SLC13A4: variants seen among roughly 807,000 people sequenced by gnomAD.
SLC13A4 encodes solute carrier family 13 member 4.
Under a neutral mutation model 72.7 loss-of-function variants are expected in SLC13A4, and 28 were observed. That is an observed-to-expected ratio of 0.39 (90% CI 0.29 to 0.53). The LOEUF is 0.53. SLC13A4 is among the 20% of genes least tolerant of loss of function. The pLI is 0.78. For missense variants in SLC13A4, 653 were observed against 788.0 expected, an observed-to-expected ratio of 0.83 and a Z score of 2.05; for synonymous variants, 312 against 325.5, an observed-to-expected ratio of 0.96 and a Z score of 0.45.
intron 15 of SLC13A4, chr7:135,683,239 C>T (rs1052202065): frequency 1.6e-5 from 6 of 371,490 alleles, no homozygotes; most frequent in Non-Finnish European, 1.7e-5. Context: ...GCAGAGGTTG[C>T]AGTGAGCCGA....
At chr7:135,700,688 AG>A (rs1419070125) in intron 7 of SLC13A4, among the ~76,000 whole-genome samples, 1 of 152,182 alleles carries the variant, frequency 6.6e-6, no homozygotes, top group Admixed American at 6.5e-5. Context: ...TCTGTTGCCC[AG>A]GCTAGAGTGC....
chr7:135,720,551 CATTA>C (rs1295468106), intron 2 of SLC13A4, among the ~76,000 whole-genome samples: 1 of 77,532 alleles, frequency 1.3e-5, no homozygotes, highest in African/African-American at 4.9e-5. Context: ...CAGGCTTTTT[CATTA>C]AAAAAAAAAA....
intron 6 of SLC13A4, chr7:135,702,530 C>T (rs1355902031): frequency 3.5e-6 from 1 of 289,768 alleles, no homozygotes; most frequent in Non-Finnish European, 6.6e-6. Context: ...TGCCCATCAC[C>T]ACTCCCAGCT....
At chr7:135,689,438 A>C (rs1300803809) in intron 13 of SLC13A4, among the ~76,000 whole-genome samples, 1 of 152,180 alleles carries the variant, frequency 6.6e-6, no homozygotes, top group African/African-American at 2.4e-5. Flanking sequence ...GCTTCCATAA[A>C]AATGCAGGGT....
chr7:135,683,754 ATCT>A, intron 15 of SLC13A4: 1 of 985,364 alleles, frequency 1.0e-6, no homozygotes, highest in Non-Finnish European at 1.2e-6. Flanking sequence ...CCTCATTCTC[ATCT>A]TCTGTGAATA....
chr7:135,700,504 A>G (rs930225314), intron 7 of SLC13A4, among the ~76,000 whole-genome samples: 1 of 152,218 alleles, frequency 6.6e-6, no homozygotes, highest in African/African-American at 2.4e-5. Context: ...GGGCCGAAGT[A>G]TGGCTGACCC....
chr7:135,708,382 GGT>G, intron 2 of SLC13A4, 132 bp from the exon 3 acceptor site: 1 of 1,260,534 alleles, frequency 7.9e-7, no homozygotes, highest in Non-Finnish European at 1.1e-6. Context: ...GAGGCAGGGG[GGT>G]GAGGATTATT....
At position 135,699,522 on chromosome 7, in the gene SLC13A4, G is replaced by T; in HGVS notation, c.741C>A (p.Ser247Arg). 6.2e-7 allele frequency: 1 copy of T among 1,609,360 alleles called. No homozygotes were observed. The highest frequency in any genetic ancestry group is 8.5e-7 in the Non-Finnish European group (1 of 1,177,754). The change falls in exon 8 of 16, where the codon AGC becomes AGA. Residue 247 changes from serine (S) to arginine (R), a missense_variant. Transcript: ENST00000682651. ...SQEKPQVLTP[S>R]PRKQKLNRKY... ...TTCTGTTCAGCTTCTGCTTCCTGGGGCTGGGGGTCAGGACTTGTGGCTTTT... is the reference window on the plus strand; with the variant it reads ...TTCTGTTCAGCTTCTGCTTCCTGGGTCTGGGGGTCAGGACTTGTGGCTTTT...
chr7:135,701,996 C>T (rs777446439), intron 6 of SLC13A4: 2 of 426,834 alleles, frequency 4.7e-6, no homozygotes, highest in Middle Eastern at 5.8e-4. Context: ...ATGGCTCTGC[C>T]CTTAGAGGAG....
intron 3 of SLC13A4, among the ~76,000 whole-genome samples, chr7:135,706,906 A>G (rs1020188028): frequency 7.9e-5 from 12 of 152,244 alleles, no homozygotes; most frequent in African/African-American, 2.7e-4. Context: ...GGAGAAAAAC[A>G]CTAACAAGGT....
chr7:135,715,152 A>T (rs1462791340), intron 2 of SLC13A4, among the ~76,000 whole-genome samples: 1 of 148,984 alleles, frequency 6.7e-6, no homozygotes, highest in South Asian at 2.1e-4. Flanking sequence ...TGTGTGTATG[A>T]GTGTGTGAGA....
At chr7:135,711,892 G>T (rs777714679) in intron 2 of SLC13A4, among the ~76,000 whole-genome samples, 6 of 150,204 alleles carry the variant, frequency 4.0e-5, no homozygotes, top group Non-Finnish European at 7.4e-5. Context: ...CAAGTAGCTG[G>T]AGCTACAGGT....
intron 10 of SLC13A4, chr7:135,693,261 G>T (rs1034059892): frequency 6.6e-6 from 1 of 152,132 alleles, no homozygotes; most frequent in African/African-American, 2.4e-5. Flanking sequence ...GTGTTAAAAT[G>T]AGATGCATCC....
chr7:135,691,439 C>A, intron 12 of SLC13A4, 109 bp downstream of exon 12: 1 of 885,012 alleles, frequency 1.1e-6, no homozygotes, highest in Non-Finnish European at 1.6e-6. Flanking sequence ...GGGCGGGGGC[C>A]GGGAGGGGGG....
rs1191276310 is a variant in SLC13A4, at chr7:135,727,862, C to T, written c.-366G>A. ...AATCCTTTAAGCCACACCTTTGCTG[C>T]TGCTGCTCGGCCTTGAAGAAATCAT... On this transcript the variant is annotated 5_prime_UTR_variant, in exon 1 of 16. Transcript: ENST00000682651. 2 of 212,184 alleles carry T rather than the reference C, an allele frequency of 9.4e-6. No individual in the cohort carries two copies. Among genetic ancestry groups the T allele is most frequent in the African/African-American group, 4.6e-5 (2 of 43,826 alleles). The allele number at this position is 212,184 out of a possible 1,614,324, so 13.1% of individuals were successfully genotyped here. A position where few individuals can be genotyped will look rare whatever the true frequency, so the allele number is the denominator to read the frequency against.
intron 1 of SLC13A4, among the ~76,000 whole-genome samples, chr7:135,722,431 T>A (rs943984148): frequency 1.3e-5 from 2 of 152,094 alleles, no homozygotes; most frequent in Non-Finnish European, 2.9e-5. Context: ...AAAGGTGGCT[T>A]CTGGACTGTG....
rs931080628 is a variant in SLC13A4, at chr7:135,727,398, G to T, written c.99C>A (p.Ser33Arg). 5 of 1,549,092 alleles carry T rather than the reference G, an allele frequency of 3.2e-6. No individual in the cohort carries two copies. Among genetic ancestry groups the T allele is most frequent in the Non-Finnish European group, 4.4e-6 (5 of 1,146,822 alleles). ...CCGGTGGGCGCAGGTCGGTACTCAC[G>T]CTGCTGGGGTGGAGGACGGGCAGAG... is the stretch of plus-strand genomic sequence containing the variant. ...LLPLPVLHPS[S>R]EASCAYVLIV... The change falls in exon 1 of 16, where the codon AGC becomes AGA. Residue 33 changes from serine to arginine, a missense_variant and splice_region_variant. Ser to Arg is a moderately radical substitution (Grantham distance 110). Coordinates refer to ENST00000682651, the MANE Select transcript of SLC13A4 (RefSeq NM_001318192.2).
Position 135,681,421 on chromosome 7 carries a change from G to T in SLC13A4, c.*142C>A. The T allele has an allele frequency of 9.8e-7, 1 of 1,017,904 alleles. No homozygotes were observed. The highest frequency in any genetic ancestry group is 1.4e-6 in the Non-Finnish European group (1 of 709,696). The allele number at this position is 1,017,904 out of a possible 1,614,324, so 63.1% of individuals were successfully genotyped here. ...TTCCTGCAGTTCACTTGAGGTGGCG[G>T]AATCTTCTGGTGGAGGGATGCCCTC... On this transcript the variant is annotated 3_prime_UTR_variant, in exon 16 of 16. Transcript: ENST00000682651.
At chr7:135,712,614 T>G (rs1220524483) in intron 2 of SLC13A4, among the ~76,000 whole-genome samples, 1 of 152,200 alleles carries the variant, frequency 6.6e-6, no homozygotes, top group African/African-American at 2.4e-5. Flanking sequence ...AAGTGCTCCA[T>G]CTAAAGGCTG....
Sources: allele counts gnomAD v4.1 joint callset (sites outside exome capture counted in the v4.1 genomes callset), GRCh38; gene constraint gnomAD v4.1.1; transcripts MANE v1.5; gene names NCBI Gene and HGNC (gene_info 2026-07-23, HGNC 2026-07-21).